PSEN2: variants seen among roughly 807,000 people sequenced by gnomAD.
PSEN2 encodes the protein presenilin 2.
PSEN2 carries 32 observed loss-of-function variants against 49.1 expected under a neutral mutation model. The ratio of observed to expected loss-of-function variants is 0.65; its 90% CI spans 0.49 to 0.88. The LOEUF is 0.88. Ranked by LOEUF, PSEN2 falls within the 40% of genes least tolerant of loss-of-function variation. The pLI, the probability that PSEN2 is intolerant of heterozygous loss-of-function variation, is 0.00. For missense variants in PSEN2, 522 were observed against 586.9 expected (o/e 0.89, Z 1.14); for synonymous variants, 255 against 244.0 (o/e 1.05, Z -0.42).
intron 2 of PSEN2, 31 bp from the exon 3 acceptor site, chr1:226,875,334 C>T (rs1468497099): frequency 3.9e-5 from 6 of 152,264 alleles, no homozygotes; most frequent in African/African-American, 1.4e-4. Context: ...TGGGTATCAC[C>T]TGACCTTAGC....
chr1:226,900,456 G>A (rs560008633), downstream of PSEN2, among the ~76,000 whole-genome samples: 2 of 152,362 alleles, frequency 1.3e-5, no homozygotes, highest in East Asian at 3.9e-4. Flanking sequence ...CATGCCTGCA[G>A]TTTGTGATTC....
chr1:226,895,312 G>T, intron 12 of PSEN2, 112 bp from the exon 13 acceptor site: 1 of 1,267,918 alleles, frequency 7.9e-7, no homozygotes, highest in Non-Finnish European at 1.1e-6. Context: ...GTCTAGCGCC[G>T]TTATCCGACT....
rs1306018287 is a variant in PSEN2, at chr1:226,873,678, A to G, written c.-206-1687A>G. On this transcript the variant is annotated intron_variant, in intron 2 of 12. Coordinates refer to ENST00000366783, the MANE Select transcript of PSEN2 (RefSeq NM_000447.3). Reference sequence around the variant, plus strand: ...TGATCCGCCAACCTTGGCCTCCCAAAATGCTGGTATTACAAGCATAAGCCA... The same window carrying G: ...TGATCCGCCAACCTTGGCCTCCCAAGATGCTGGTATTACAAGCATAAGCCA... Among the ~76,000 whole-genome samples, 3 of 152,148 alleles carry G rather than the reference A, an allele frequency of 2.0e-5. No individual in the cohort carries two copies. In the East Asian group the frequency reaches 5.8e-4, roughly 29 times the overall value.
At chr1:226,872,260 G>A (rs192550908) in intron 2 of PSEN2, among the ~76,000 whole-genome samples, 74 of 152,264 alleles carry the variant, frequency 4.9e-4, no homozygotes, top group Non-Finnish European at 8.1e-4. Context: ...CTCTGTTATC[G>A]ATGTTAATAA....
At chr1:226,891,255 G>A (rs768506041) in intron 9 of PSEN2, 23 bp from the exon 10 acceptor site, 2 of 1,611,282 alleles carry the variant, frequency 1.2e-6, no homozygotes, top group Non-Finnish European at 1.7e-6. Flanking sequence ...CGCCTGAGAT[G>A]TGAACCTTTT....
intron 12 of PSEN2, among the ~76,000 whole-genome samples, chr1:226,894,629 G>A (rs1662000229): frequency 6.6e-6 from 1 of 152,224 alleles, no homozygotes; most frequent in South Asian, 2.1e-4. Flanking sequence ...TGGAGGCCCT[G>A]TAGTCAGTTA....
Position 226,896,066 on chromosome 1 carries a change from G to C in PSEN2, c.*487G>C, listed in dbSNP as rs7962. On this transcript the variant is annotated 3_prime_UTR_variant, in exon 13 of 13. Transcript: ENST00000366783. The stretch of plus-strand genomic sequence containing the variant: ...CACACTGCTGGGAAGTGGCTTAATA[G>C]TAATATCAATAAATAGATGAGTCCT... 2,864 of 198,914 alleles carry C rather than the reference G, an allele frequency of 0.014. 33 individuals carry two copies. The highest frequency in any genetic ancestry group is 0.031 in the Middle Eastern group (14 of 448). 12.3% of individuals were successfully genotyped at this position (198,914 alleles called of 1,614,324 possible).
At position 226,891,678 on chromosome 1, in the gene PSEN2, G is replaced by A; in HGVS notation, c.971-65G>A. 2.1e-6 allele frequency: 3 copies of A among 1,402,276 alleles called. No individual in the cohort carries two copies. In the South Asian group the frequency reaches 3.5e-5, roughly 16 times the overall value. The allele number at this position is 1,402,276 out of a possible 1,614,324, so 86.9% of individuals were successfully genotyped here. ...CCTGGTAACACTCTGACCAGCTGTT[G>A]TTTCTCTCTCTTGTTGTCCCCTCCT... On this transcript the variant is annotated intron_variant, in intron 10 of 12. Coordinates refer to ENST00000366783, the MANE Select transcript of PSEN2 (RefSeq NM_000447.3).
chr1:226,889,983 C>T, intron 8 of PSEN2, 52 bp from the exon 9 acceptor site: 2 of 1,470,060 alleles, frequency 1.4e-6, no homozygotes, highest in Non-Finnish European at 9.5e-7. Context: ...GCAGGCTCTT[C>T]TTCAGGGGGC....
intron 2 of PSEN2, among the ~76,000 whole-genome samples, chr1:226,872,706 TGTTTA>T (rs950516202): frequency 5.3e-5 from 8 of 152,162 alleles, no homozygotes; most frequent in African/African-American, 1.7e-4. Flanking sequence ...TTTCGGACAC[TGTTTA>T]GTTGGGGACT....
rs763589824 is a variant in PSEN2, at chr1:226,885,404, C to CA, written c.357-133dup. 2.2e-5 allele frequency: 21 copies of CA among 965,172 alleles called. No homozygotes were observed. In the East Asian group the frequency reaches 3.4e-4, roughly 16 times the overall value. The allele number at this position is 965,172 out of a possible 1,614,324, so 59.8% of individuals were successfully genotyped here. On this transcript the variant is annotated intron_variant, in intron 5 of 12. Coordinates refer to ENST00000366783, the MANE Select transcript of PSEN2 (RefSeq NM_000447.3). ...GAACTGCTCATGGGGATGGTGCCCG[C>CA]ACTCCATCAGGGCAGCATGTGGGCA...
intron 1 of PSEN2, chr1:226,870,898 G>C (rs1660234056): frequency 6.6e-6 from 1 of 152,328 alleles, no homozygotes; most frequent in Non-Finnish European, 1.5e-5. Flanking sequence ...CTGGGTCGTG[G>C]AAGGATCGCG....
At position 226,883,792 on chromosome 1, in the gene PSEN2, G is replaced by A; in HGVS notation, c.229G>A (p.Glu77Lys). Residue 77 changes from glutamate (E) to lysine (K), a missense_variant, in exon 5 of 13, where the codon GAA (glutamate) becomes AAA (lysine). Physicochemically the swap from Glu to Lys is moderately conservative, Grantham distance 56 (BLOSUM62 1). Transcript: ENST00000366783. ...TCCCGGGCGGCCGCCAGGCCTGGAGGAAGAGCTGACCCTCAAATACGGAGC... is the reference window on the plus strand; with the variant it reads ...TCCCGGGCGGCCGCCAGGCCTGGAGAAAGAGCTGACCCTCAAATACGGAGC... ...GVPGRPPGLE[E>K]ELTLKYGAKH... 6.2e-7 allele frequency: 1 copy of A among 1,614,220 alleles called. No homozygotes were observed. The highest frequency in any genetic ancestry group is 8.5e-7 in the Non-Finnish European group (1 of 1,180,038).
intron 9 of PSEN2, chr1:226,890,996 G>T: frequency 2.1e-6 from 1 of 487,408 alleles, no homozygotes; most frequent in Non-Finnish European, 3.7e-6. Flanking sequence ...AGTGTCCCAG[G>T]GCTCGGGGGA....
At chr1:226,873,334 A>G (rs1334189976) in intron 2 of PSEN2, among the ~76,000 whole-genome samples, 3 of 152,220 alleles carry the variant, frequency 2.0e-5, no homozygotes, top group Non-Finnish European at 4.4e-5. Flanking sequence ...AAGGGTGTCC[A>G]CCATTCTGCT....
In PSEN2 at chr1:226,890,054, T is replaced by C; in HGVS notation, c.807T>C (p.Cys269=). 1.2e-6 allele frequency: 2 copies of C among 1,613,934 alleles called. No homozygotes were observed. The highest frequency in any genetic ancestry group is 1.7e-6 in the Non-Finnish European group (2 of 1,179,788). ...TCCTAGATCTCGTGGCTGTGCTGTG[T>C]CCCAAAGGGCCTCTGAGAATGCTGG... ...ISVYDLVAVL[C]PKGPLRMLVE... Residue 269 remains cysteine (C), a synonymous_variant, in exon 9 of 13, where the codon TGT becomes TGC. Transcript: ENST00000366783.
chr1:226,887,839 G>A (rs1482553165), intron 6 of PSEN2, among the ~76,000 whole-genome samples: 1 of 152,144 alleles, frequency 6.6e-6, no homozygotes, highest in East Asian at 1.9e-4. Flanking sequence ...TAGAGATGGG[G>A]GGAGACCGCA....
downstream of PSEN2, among the ~76,000 whole-genome samples, chr1:226,897,225 A>T (rs1325858586): frequency 6.6e-6 from 1 of 152,214 alleles, no homozygotes; most frequent in Non-Finnish European, 1.5e-5. Flanking sequence ...AAGCTTATTC[A>T]ATTTGGCAAT....
intron 12 of PSEN2, among the ~76,000 whole-genome samples, chr1:226,903,013 T>G (rs1024107310): frequency 1.3e-5 from 2 of 148,734 alleles, no homozygotes; most frequent in Non-Finnish European, 2.9e-5. Flanking sequence ...ATTTGTACTA[T>G]TCCTGCAACC....
Sources: gnomAD v4.1 joint callset for allele counts (sites outside exome capture counted in the v4.1 genomes callset) on GRCh38, gnomAD v4.1.1 for gene constraint, MANE v1.5 for transcripts, NCBI Gene and HGNC (gene_info 2026-07-23, HGNC 2026-07-21) for gene names.